PPP2R2B: variants seen among roughly 807,000 people sequenced by gnomAD.
PPP2R2B encodes protein phosphatase 2 regulatory subunit Bbeta.
Under a neutral mutation model 46.0 loss-of-function variants are expected in PPP2R2B, and 5 were observed. The observed-to-expected ratio is 0.11, with a 90% confidence interval of 0.06 to 0.23. The LOEUF (loss-of-function observed/expected upper bound fraction) is 0.23. PPP2R2B is among the 10% of genes least tolerant of loss of function. The pLI is 1.00. For synonymous variants in PPP2R2B, 215 were observed against 206.7 expected (o/e 1.04, Z -0.34); for missense variants, 367 against 575.0 (o/e 0.64, Z 3.70).
At chr5:146,730,505 C>G (rs780886204) in intron 2 of PPP2R2B, among the ~76,000 whole-genome samples, 1 of 152,018 alleles carries the variant, frequency 6.6e-6, no homozygotes, top group Non-Finnish European at 1.5e-5. Flanking sequence ...GGCTGTGTCC[C>G]CACCAAATCT....
chr5:146,628,392 A>G (rs1486595665), intron 7 of PPP2R2B, among the ~76,000 whole-genome samples: 1 of 152,196 alleles, frequency 6.6e-6, no homozygotes. Flanking sequence ...AGACTTGCCA[A>G]TGCAGAAGGG....
Position 146,816,177 on chromosome 5 carries a change from G to A in PPP2R2B, c.70+61825C>T, listed in dbSNP as rs151152382. 8.1e-3 allele frequency among the ~76,000 whole-genome samples: 1,231 copies of A among 152,232 alleles called. 6 individuals are homozygous for A. The highest frequency in any genetic ancestry group is 0.012 in the Non-Finnish European group (843 of 68,016). ...CTAGCACTTTTGGATGCTGAGGCAG[G>A]AGGCTCGCTTGAGCCCAGGAGTTTG... On this transcript the variant is annotated intron_variant, in intron 2 of 9. Coordinates refer to ENST00000394411, the MANE Select transcript of PPP2R2B (RefSeq NM_181675.4).
chr5:147,005,923 C>G (rs559141965), intron 1 of PPP2R2B, among the ~76,000 whole-genome samples: 4 of 152,294 alleles, frequency 2.6e-5, no homozygotes, highest in African/African-American at 9.6e-5. Context: ...CTCTGTAACC[C>G]TATAACACTT....
At chr5:146,726,967 C>A (rs571897953) in intron 2 of PPP2R2B, among the ~76,000 whole-genome samples, 2 of 152,088 alleles carry the variant, frequency 1.3e-5, no homozygotes, top group African/African-American at 4.8e-5. Context: ...CTCAAGGAGG[C>A]GTTTCCATAA....
At chr5:146,830,986 T>G (rs1758891492) in intron 2 of PPP2R2B, among the ~76,000 whole-genome samples, 1 of 152,076 alleles carries the variant, frequency 6.6e-6, no homozygotes, top group African/African-American at 2.4e-5. Context: ...AATGCCAGAG[T>G]GCAATGCATT....
At chr5:146,707,234 G>T in intron 2 of PPP2R2B, 1 of 1,587,006 alleles carries the variant, frequency 6.3e-7, no homozygotes, top group Non-Finnish European at 8.6e-7. Flanking sequence ...TTCTGCTGCT[G>T]CAGGAGGCTC....
At chr5:146,597,690 C>T (rs1433496666) in intron 8 of PPP2R2B, among the ~76,000 whole-genome samples, 1 of 152,160 alleles carries the variant, frequency 6.6e-6, no homozygotes, top group Admixed American at 6.5e-5. Flanking sequence ...CCTGAGCAAC[C>T]CTACCACCCT....
At chr5:146,771,759 G>A (rs1447137805) in intron 2 of PPP2R2B, among the ~76,000 whole-genome samples, 2 of 152,160 alleles carry the variant, frequency 1.3e-5, no homozygotes, top group African/African-American at 2.4e-5. Flanking sequence ...GCTAATCTGT[G>A]TTTCCCAATC....
intron 3 of PPP2R2B, among the ~76,000 whole-genome samples, 185 bp from the exon 4 acceptor site, chr5:146,698,329 TATATATATATATATATATATATAC>T (rs1561841581): frequency 8.8e-6 from 1 of 114,124 alleles, no homozygotes; most frequent in African/African-American, 4.0e-5. Flanking sequence ...TATATATATA[TATATATATATATATATATATATAC>T]ACACACATAT....
At chr5:146,904,684 G>T (rs1762942837) in intron 1 of PPP2R2B, among the ~76,000 whole-genome samples, 1 of 152,144 alleles carries the variant, frequency 6.6e-6, no homozygotes, top group East Asian at 1.9e-4. Flanking sequence ...GAATGAAAGA[G>T]ACTGCTAAAA....
At chr5:146,777,454 C>A (rs114381165) in intron 2 of PPP2R2B, among the ~76,000 whole-genome samples, 3,449 of 152,044 alleles carry the variant, frequency 0.023, 126 homozygotes, top group African/African-American at 0.079. Flanking sequence ...TAGAGGTTAC[C>A]AGAGACTACG....
chr5:146,847,262 T>C (rs1430199761), intron 2 of PPP2R2B, among the ~76,000 whole-genome samples: 1 of 152,160 alleles, frequency 6.6e-6, no homozygotes, highest in Non-Finnish European at 1.5e-5. Context: ...CAGGATAAAG[T>C]TCAAATCTTC....
upstream of PPP2R2B, among the ~76,000 whole-genome samples, chr5:147,058,639 T>C (rs1198902973): frequency 6.6e-6 from 1 of 152,170 alleles, no homozygotes; most frequent in Non-Finnish European, 1.5e-5. Context: ...TCTAAAATGA[T>C]TGATTTAGTG....
intron 1 of PPP2R2B, among the ~76,000 whole-genome samples, chr5:146,908,092 C>G (rs1262289639): frequency 6.6e-6 from 1 of 152,150 alleles, no homozygotes; most frequent in Non-Finnish European, 1.5e-5. Context: ...TACATGATAC[C>G]TATAACCATG....
At chr5:146,866,106 A>C (rs1761296477) in intron 2 of PPP2R2B, among the ~76,000 whole-genome samples, 1 of 152,190 alleles carries the variant, frequency 6.6e-6, no homozygotes, top group African/African-American at 2.4e-5. Flanking sequence ...AGTAGCTGGG[A>C]CAAAGGCTGT....
intron 5 of PPP2R2B, among the ~76,000 whole-genome samples, chr5:146,671,810 T>C (rs1777396408): frequency 2.0e-5 from 3 of 152,160 alleles, no homozygotes; most frequent in Admixed American, 2.0e-4. Context: ...TTAAATCCCA[T>C]TTGCTTATCC....
At chr5:146,804,273 A>G (rs1054215283) in intron 2 of PPP2R2B, among the ~76,000 whole-genome samples, 2 of 152,138 alleles carry the variant, frequency 1.3e-5, no homozygotes, top group African/African-American at 4.8e-5. Flanking sequence ...ACATTATTTA[A>G]TCCTCACAAT....
At chr5:146,988,605 T>C (rs974110270) in intron 1 of PPP2R2B, among the ~76,000 whole-genome samples, 1 of 151,988 alleles carries the variant, frequency 6.6e-6, no homozygotes, top group African/African-American at 2.4e-5. Flanking sequence ...ACCTATGGGA[T>C]ACAGTAAAAA....
At chr5:146,898,088 G>A (rs112561064) in intron 1 of PPP2R2B, among the ~76,000 whole-genome samples, 15 of 152,310 alleles carry the variant, frequency 9.8e-5, no homozygotes, top group South Asian at 4.1e-4. Context: ...AGGAGGCTGA[G>A]GCAGGAGAGT....
Sources: gnomAD v4.1 joint callset for allele counts (sites outside exome capture counted in the v4.1 genomes callset) on GRCh38, gnomAD v4.1.1 for gene constraint, MANE v1.5 for transcripts, NCBI Gene and HGNC (gene_info 2026-07-23, HGNC 2026-07-21) for gene names.